The following PXN variants were observed in gnomAD, a reference collection of about 807,000 sequenced individuals.
PXN encodes paxillin.
In PXN, 61 loss-of-function variants were observed where a neutral mutation model predicts 103.6. The ratio of observed to expected loss-of-function variants is 0.59; its 90% CI spans 0.48 to 0.73. The LOEUF is 0.73. PXN is among the 30% of genes least tolerant of loss of function. The pLI is 0.00. For missense variants in PXN, 1,274 were observed against 1,460.3 expected (o/e 0.87, Z 2.08); for synonymous variants, 562 against 607.8 (o/e 0.92, Z 1.11).
At chr12:120,250,558 A>G (rs1275905648) in intron 1 of PXN, among the ~76,000 whole-genome samples, 2 of 152,262 alleles carry the variant, frequency 1.3e-5, no homozygotes, top group South Asian at 2.1e-4. Flanking sequence ...TCTCACTAAT[A>G]TTAGTGTTAG....
chr12:120,246,528 A>AAAG (rs1003346875), intron 1 of PXN, among the ~76,000 whole-genome samples: 2 of 149,170 alleles, frequency 1.3e-5, no homozygotes, highest in African/African-American at 4.9e-5. Flanking sequence ...AAAAAAAAAA[A>AAAG]AAAAAGAAAA....
chr12:120,263,555 T>C (rs1894208790), intron 1 of PXN, among the ~76,000 whole-genome samples: 1 of 152,224 alleles, frequency 6.6e-6, no homozygotes, highest in South Asian at 2.1e-4. Context: ...TTTTGTCATT[T>C]CATGGCTGTG....
rs1880131832 is a variant in PXN at position 120,211,393 on chromosome 12, C to T, written c.*921G>A. ...GCTGCTCCCAGTTCACCTGCTTGTG[C>T]TAAGAAACAATAAAATACAAATTGC... On this transcript the variant is annotated 3_prime_UTR_variant, in exon 15 of 15. Coordinates refer to ENST00000637617, the MANE Select transcript of PXN (RefSeq NM_001385981.1). 1 of 154,604 alleles carries T rather than the reference C, an allele frequency of 6.5e-6. No homozygotes were observed. The highest frequency in any genetic ancestry group is 6.4e-5 in the Admixed American group (1 of 15,676). 9.6% of individuals were successfully genotyped at this position (154,604 alleles called of 1,614,324 possible).
At position 120,211,943 on chromosome 12, in the gene PXN, G is replaced by A; in HGVS notation, c.*371C>T. 1.8e-6 allele frequency: 1 copy of A among 548,362 alleles called. No individual in the cohort carries two copies. The highest frequency in any genetic ancestry group is 3.6e-6 in the Non-Finnish European group (1 of 280,166). The allele number at this position is 548,362 out of a possible 1,614,324, so 34.0% of individuals were successfully genotyped here. A position where few individuals can be genotyped will look rare whatever the true frequency, so the allele number is the denominator to read the frequency against. On this transcript the variant is annotated 3_prime_UTR_variant, in exon 15 of 15. Coordinates refer to ENST00000637617, the MANE Select transcript of PXN (RefSeq NM_001385981.1). The stretch of plus-strand genomic sequence containing the variant: ...AAAGAGACCCCAACAGACCCTGCCT[G>A]CCCTTCCCTGCCCCCCGGCTGCACT...
rs1404599965 is a variant in PXN at position 120,216,381 on chromosome 12, C to A, written c.2193G>T (p.Glu731Asp). 7.6e-7 allele frequency: 1 copy of A among 1,322,070 alleles called. No individual in the cohort carries two copies. Among genetic ancestry groups the A allele is most frequent in the African/African-American group, 1.5e-5 (1 of 64,896 alleles). 81.9% of individuals were successfully genotyped at this position (1,322,070 alleles called of 1,614,324 possible). Residue 731 changes from glutamate to aspartate, a missense_variant, in exon 9 of 15, where the codon GAG becomes GAT. Coordinates refer to ENST00000637617, the MANE Select transcript of PXN (RefSeq NM_001385981.1). This position sits in a 1 kb window ranked among gnomAD's most constrained non-coding sequence, Gnocchi z 5.1. ...GSSGVQSAGE[E>D]PHDEGVQGPA... ...GGCCCTGCACCCCCTCATCATGGGGCTCTTCCCCTGCACTCTGGACCCCAG... is the reference window on the plus strand; with the variant it reads ...GGCCCTGCACCCCCTCATCATGGGGATCTTCCCCTGCACTCTGGACCCCAG...
chr12:120,261,140 A>G (rs1151835), intron 1 of PXN, among the ~76,000 whole-genome samples: 5,778 of 152,314 alleles, frequency 0.038, 295 homozygotes, highest in African/African-American at 0.11. Context: ...CAATGCATGT[A>G]AAGTGCCCAG....
chr12:120,257,405 C>T (rs150140736), intron 1 of PXN, among the ~76,000 whole-genome samples: 169 of 152,348 alleles, frequency 1.1e-3, no homozygotes, highest in Admixed American at 6.4e-3. Context: ...TCTGAGCCCT[C>T]GCTAGAAGAC....
chr12:120,217,552 T>C lies in PXN; in HGVS notation c.1717-436A>G, dbSNP rs1307398815. On this transcript the variant is annotated intron_variant, in intron 7 of 14. Transcript: ENST00000637617. This position sits in a 1 kb window ranked among gnomAD's most constrained non-coding sequence, Gnocchi z 4.1. ...GCTTTTTCTTTTTTCTTTTTTTTAA[T>C]TTATAATAGAAAAAGTGTTTCCTTC... Among the ~76,000 whole-genome samples the C allele has an allele frequency of 6.6e-6, 1 of 152,078 alleles. No individual in the cohort carries two copies. Among genetic ancestry groups the C allele is most frequent in the Non-Finnish European group, 1.5e-5 (1 of 68,020 alleles).
At chr12:120,248,966 ATC>A (rs749795153) in intron 1 of PXN, among the ~76,000 whole-genome samples, 32 of 151,994 alleles carry the variant, frequency 2.1e-4, no homozygotes, top group Non-Finnish European at 4.1e-4. Flanking sequence ...GTGAAACTCC[ATC>A]TCTACTAAAA....
Position 120,243,106 on chromosome 12 carries a change from T to C in PXN, c.14-18729A>G, listed in dbSNP as rs555970003. ...CTACCAATGAACTAAACACACATGC[T>C]TGCACACACGTCCGCCCTCCAGGCC... is the stretch of plus-strand genomic sequence containing the variant. On this transcript the variant is annotated intron_variant, in intron 1 of 14. Transcript: ENST00000637617. Among the ~76,000 whole-genome samples the C allele has an allele frequency of 2.0e-5, 3 of 152,232 alleles. No individual in the cohort carries two copies. The South Asian group carries it at 6.2e-4, about 32-fold the overall frequency.
intron 1 of PXN, among the ~76,000 whole-genome samples, chr12:120,235,100 C>T (rs1040242707): frequency 2.6e-5 from 4 of 152,156 alleles, no homozygotes; most frequent in Non-Finnish European, 5.9e-5. Context: ...AGGGCCCCAA[C>T]GCCTCCACCC....
At chr12:120,244,118 G>A (rs1321581784) in intron 1 of PXN, among the ~76,000 whole-genome samples, 1 of 149,754 alleles carries the variant, frequency 6.7e-6, no homozygotes, top group African/African-American at 2.5e-5. Flanking sequence ...AGGAGCACAG[G>A]GCCCAAGTTG....
rs552278207 is a variant in PXN, at chr12:120,216,394, C to T, written c.2180G>A (p.Ser727Asn). 3.0e-6 allele frequency: 4 copies of T among 1,346,428 alleles called. No individual in the cohort carries two copies. The highest frequency in any genetic ancestry group is 3.8e-6 in the Non-Finnish European group (4 of 1,056,512). The allele number at this position is 1,346,428 out of a possible 1,614,324, so 83.4% of individuals were successfully genotyped here. Residue 727 changes from serine (S) to asparagine (N), a missense_variant, in exon 9 of 15, where the codon AGT becomes AAT. This residue lies in a region of PXN where 1,178 missense variants were observed against 1,309.0 expected (regional missense o/e 0.90). Coordinates refer to ENST00000637617, the MANE Select transcript of PXN (RefSeq NM_001385981.1). This position sits in a 1 kb window ranked among gnomAD's most constrained non-coding sequence, Gnocchi z 5.1. Reference protein sequence around the residue: ...AYTCGSSGVQSAGEEPHDEGV... With the variant: ...AYTCGSSGVQNAGEEPHDEGV... ...CTCATCATGGGGCTCTTCCCCTGCA[C>T]TCTGGACCCCAGAAGAACCACAGGT...
Position 120,212,004 on chromosome 12 carries a change from G to A in PXN, c.*310C>T, listed in dbSNP as rs770358126. 1.3e-5 allele frequency: 8 copies of A among 629,270 alleles called. No individual in the cohort carries two copies. In the Admixed American group the frequency reaches 1.5e-4, roughly 11 times the overall value. The allele number at this position is 629,270 out of a possible 1,614,324, so 39.0% of individuals were successfully genotyped here. ...GAGGAAGAGATGGCTCCAGTGTGGG[G>A]TGCTGGCCAGGCCAGTTCGTGGGGA... On this transcript the variant is annotated 3_prime_UTR_variant, in exon 15 of 15. Transcript: ENST00000637617. This position sits in a 1 kb window ranked among gnomAD's most constrained non-coding sequence, Gnocchi z 7.2.
chr12:120,250,778 T>G (rs571801840), intron 1 of PXN, among the ~76,000 whole-genome samples: 24 of 152,280 alleles, frequency 1.6e-4, no homozygotes, highest in Admixed American at 7.8e-4. Context: ...CTAAATCACA[T>G]TCTTCCAGAA....
rs781001097 is a variant in PXN, at chr12:120,219,210, G to C, written c.1713C>G (p.Gly571=). The change falls in exon 7 of 15, where the codon GGC becomes GGG. Residue 571 remains glycine (G), a synonymous_variant. Coordinates refer to ENST00000637617, the MANE Select transcript of PXN (RefSeq NM_001385981.1). This position sits in a 1 kb window ranked among gnomAD's most constrained non-coding sequence, Gnocchi z 6.5. ...PSTTERISTS[G]QIRSVIRRSW... is the part of the protein sequence containing the mutation. ...AGCCATGCGAGCTGGTGCCTGCCTG[G>C]CCAGAGGTGGAAATCCTCTCCGTGG... The C allele has an allele frequency of 7.2e-5, 113 of 1,569,146 alleles. No homozygotes were observed. Among genetic ancestry groups the C allele is most frequent in the Non-Finnish European group, 9.2e-5 (107 of 1,161,010 alleles).
intron 7 of PXN, among the ~76,000 whole-genome samples, chr12:120,218,551 T>A (rs568467130): frequency 6.6e-6 from 1 of 152,246 alleles, no homozygotes; most frequent in South Asian, 2.1e-4. Flanking sequence ...TCTTTTTGTA[T>A]CTTTAGTAGA....
At position 120,219,525 on chromosome 12, in the gene PXN, TACAG is replaced by T; in HGVS notation, c.1394_1397del (p.Ala465GlufsTer47). On this transcript the variant is annotated frameshift_variant, in exon 7 of 15. Transcript: ENST00000637617. LOFTEE classifies it high-confidence loss of function. The surrounding 1 kb of genome is among the most constrained non-coding windows in gnomAD (Gnocchi z 6.5). The stretch of plus-strand genomic sequence containing the variant: ...AGATGGCCTGCCGGTCCACTGCCAC[TACAG>T]CTGGCTCTGTTACTTCTTGGAAGCT... The T allele has an allele frequency of 6.3e-7, 1 of 1,592,652 alleles. No individual in the cohort carries two copies. The highest frequency in any genetic ancestry group is 1.3e-5 in the African/African-American group (1 of 74,956).
At position 120,219,082 on chromosome 12, in the gene PXN, T is replaced by C; in HGVS notation, c.1716+125A>G. On this transcript the variant is annotated intron_variant, in intron 7 of 14. Coordinates refer to ENST00000637617, the MANE Select transcript of PXN (RefSeq NM_001385981.1). The surrounding 1 kb of genome is among the most constrained non-coding windows in gnomAD (Gnocchi z 6.5). The stretch of plus-strand genomic sequence containing the variant: ...TGCTGACTGTCAGGTCCGGCCACAG[T>C]GTCTCAGCATTTTCTGCCCAAGCAG... The C allele has an allele frequency of 9.3e-7, 1 of 1,073,234 alleles. No homozygotes were observed. 66.5% of individuals were successfully genotyped at this position (1,073,234 alleles called of 1,614,324 possible).
Sources: allele counts gnomAD v4.1 joint callset (sites outside exome capture counted in the v4.1 genomes callset), GRCh38; gene constraint gnomAD v4.1.1; regional missense constraint gnomAD v4.1.1; non-coding constraint Gnocchi (gnomAD v3.1); transcripts MANE v1.5; gene names NCBI Gene and HGNC (gene_info 2026-07-23, HGNC 2026-07-21).